The following LRMDA variants were observed in gnomAD, a reference collection of about 807,000 sequenced individuals.
LRMDA encodes the protein leucine rich melanocyte differentiation associated, also known as leucine-rich melanocyte differentiation-associated protein.
In LRMDA, 18 loss-of-function variants were observed where a neutral mutation model predicts 29.8. That is an observed-to-expected ratio of 0.60 (90% confidence interval 0.42 to 0.90). The LOEUF (loss-of-function observed/expected upper bound fraction) is 0.90, where lower values mean the gene tolerates loss of function less well. LRMDA is among the 40% of genes least tolerant of loss of function. The pLI, the probability that LRMDA is intolerant of heterozygous loss-of-function variation, is 0.00. For missense variants in LRMDA, 273 were observed against 273.9 expected, an observed-to-expected ratio of 1.00 and a Z score of 0.02; for synonymous variants, 125 against 109.4, an observed-to-expected ratio of 1.14 and a Z score of -0.89.
At chr10:75,454,132 C>A (rs868347441) in intron 2 of LRMDA, among the ~76,000 whole-genome samples, 1 of 152,174 alleles carries the variant, frequency 6.6e-6, no homozygotes, top group Non-Finnish European at 1.5e-5. Context: ...ATCCTTCCTC[C>A]TGGCTATAGG....
intron 5 of LRMDA, among the ~76,000 whole-genome samples, chr10:76,226,934 G>A (rs1027110907): frequency 2.6e-5 from 4 of 152,304 alleles, no homozygotes; most frequent in East Asian, 1.9e-4. Context: ...AAGACATTGT[G>A]TCAGATTTTA....
intron 2 of LRMDA, among the ~76,000 whole-genome samples, chr10:75,928,810 T>C (rs970413582): frequency 2.0e-5 from 3 of 151,998 alleles, no homozygotes; most frequent in Admixed American, 1.3e-4. Flanking sequence ...GGAAGGGTGT[T>C]TTCTGGCACC....
intron 2 of LRMDA, among the ~76,000 whole-genome samples, chr10:75,954,299 T>C (rs1388095130): frequency 1.3e-5 from 2 of 152,184 alleles, no homozygotes; most frequent in East Asian, 3.9e-4. Flanking sequence ...TGTGCAGTCC[T>C]AGGATTGGGG....
At chr10:76,350,176 A>AT (rs957978277) in intron 6 of LRMDA, among the ~76,000 whole-genome samples, 1 of 151,982 alleles carries the variant, frequency 6.6e-6, no homozygotes, top group Non-Finnish European at 1.5e-5. Context: ...AAACAAAAAA[A>AT]AAAATAAATA....
chr10:75,450,761 C>G (rs964507595), intron 2 of LRMDA: 3 of 152,248 alleles, frequency 2.0e-5, no homozygotes, highest in Non-Finnish European at 4.4e-5. Context: ...CACATTTCTG[C>G]ATTAAATCCA....
intron 5 of LRMDA, among the ~76,000 whole-genome samples, chr10:76,276,006 AATCTATCTATCTATCTATCT>A (rs3066426): frequency 1.4e-5 from 2 of 146,832 alleles, no homozygotes; most frequent in East Asian, 2.1e-4. Context: ...CAATCTAGTG[AATCTATCTATCTATCTATCT>A]ATCTATCTAT....
chr10:76,090,371 G>A (rs1014039804), intron 5 of LRMDA, among the ~76,000 whole-genome samples: 1 of 152,178 alleles, frequency 6.6e-6, no homozygotes, highest in Non-Finnish European at 1.5e-5. Flanking sequence ...TTGCTTATGG[G>A]CAGCAGTGTA....
At chr10:75,828,683 T>A (rs1382685161) in intron 2 of LRMDA, among the ~76,000 whole-genome samples, 1 of 152,174 alleles carries the variant, frequency 6.6e-6, no homozygotes, top group Non-Finnish European at 1.5e-5. Context: ...ACAGCAGTAA[T>A]CTCTGCAGAG....
intron 5 of LRMDA, among the ~76,000 whole-genome samples, chr10:76,307,314 T>C (rs575191422): frequency 6.6e-6 from 1 of 152,254 alleles, no homozygotes; most frequent in Admixed American, 6.5e-5. Context: ...CTTTTGTTGA[T>C]GTTGATGTCA....
At chr10:76,112,399 C>G (rs1849594860) in intron 5 of LRMDA, among the ~76,000 whole-genome samples, 1 of 152,226 alleles carries the variant, frequency 6.6e-6, no homozygotes, top group Non-Finnish European at 1.5e-5. Context: ...AGAGTGGAGC[C>G]GGCGCCGGCC....
At chr10:76,550,163 T>C (rs1471445899) in intron 6 of LRMDA, among the ~76,000 whole-genome samples, 1 of 152,196 alleles carries the variant, frequency 6.6e-6, no homozygotes, top group Non-Finnish European at 1.5e-5. Context: ...AAAATAGAAA[T>C]GGTTTTTTGT....
intron 5 of LRMDA, among the ~76,000 whole-genome samples, chr10:76,281,274 A>G (rs1161905802): frequency 1.3e-5 from 2 of 152,234 alleles, no homozygotes; most frequent in Non-Finnish European, 2.9e-5. Context: ...TTGTTGGAGC[A>G]AAGTTACAGA....
rs553213688 is a variant in LRMDA, at chr10:75,732,165, G to A, written c.131+293671G>A. Among the ~76,000 whole-genome samples, 24 of 152,164 alleles carry A rather than the reference G, an allele frequency of 1.6e-4. No homozygotes were observed. The South Asian group carries it at 4.4e-3, about 28-fold the overall frequency. On this transcript the variant is annotated intron_variant, in intron 2 of 6. Transcript: ENST00000611255. ...TTGGTTCAACCAAATGCATCAGGGGGATTTGCTGAATGATGGAATCCTTTA... is the reference window on the plus strand; with the variant it reads ...TTGGTTCAACCAAATGCATCAGGGGAATTTGCTGAATGATGGAATCCTTTA...
At position 75,618,355 on chromosome 10, in the gene LRMDA, A is replaced by ACTCTCT. The variant is rs753240055; in HGVS notation, c.131+179884_131+179889dup. ...ATCCTTATGTAGTTGTCTTTACCAGACTCTCTCTCTCTCTCTCTCTCTCTC... is the reference window on the plus strand; with the variant it reads ...ATCCTTATGTAGTTGTCTTTACCAGACTCTCTCTCTCTCTCTCTCTCTCTCTCTCTC... On this transcript the variant is annotated intron_variant, in intron 2 of 6. Transcript: ENST00000611255. Among the ~76,000 whole-genome samples the ACTCTCT allele has an allele frequency of 3.3e-3, 434 of 131,826 alleles. 6 individuals are homozygous for ACTCTCT. Among genetic ancestry groups the ACTCTCT allele is most frequent in the African/African-American group, 0.012 (400 of 33,694 alleles). 86.5% of individuals were successfully genotyped at this position (131,826 alleles called of 152,430 possible).
intron 2 of LRMDA, among the ~76,000 whole-genome samples, chr10:75,448,255 A>G (rs1844417438): frequency 6.6e-6 from 1 of 151,998 alleles, no homozygotes; most frequent in Non-Finnish European, 1.5e-5. Context: ...AATGCTTTTT[A>G]TTTCCCCTCT....
intron 2 of LRMDA, among the ~76,000 whole-genome samples, chr10:75,711,727 C>T (rs1345414873): frequency 6.6e-6 from 1 of 151,968 alleles, no homozygotes; most frequent in Non-Finnish European, 1.5e-5. Flanking sequence ...AAATTATACA[C>T]CTTTGAATTA....
intron 5 of LRMDA, among the ~76,000 whole-genome samples, chr10:76,177,319 C>T (rs1217264005): frequency 6.6e-6 from 1 of 152,032 alleles, no homozygotes; most frequent in African/African-American, 2.4e-5. Flanking sequence ...AATATCTGAT[C>T]ACTTTCTTTG....
intron 2 of LRMDA, among the ~76,000 whole-genome samples, chr10:75,664,163 CTGGGCTG>C (rs942202514): frequency 2.0e-5 from 3 of 152,312 alleles, no homozygotes; most frequent in African/African-American, 7.2e-5. Flanking sequence ...TGTTCTGTCT[CTGGGCTG>C]ACTGGCTCCT....
intron 6 of LRMDA, among the ~76,000 whole-genome samples, chr10:76,422,838 C>T (rs1194678880): frequency 6.6e-6 from 1 of 152,186 alleles, no homozygotes; most frequent in Non-Finnish European, 1.5e-5. Flanking sequence ...TGAATCTCCC[C>T]TCTCCATCTG....
Sources: gnomAD v4.1 joint callset for allele counts (sites outside exome capture counted in the v4.1 genomes callset) on GRCh38, gnomAD v4.1.1 for gene constraint, MANE v1.5 for transcripts, NCBI Gene and HGNC (gene_info 2026-07-23, HGNC 2026-07-21) for gene names.